NLGN1: variants seen among roughly 807,000 people sequenced by gnomAD.
NLGN1 encodes the protein neuroligin-1.
NLGN1 carries 12 observed loss-of-function variants against 65.5 expected under a neutral mutation model. That is an observed-to-expected ratio of 0.18 (90% CI 0.12 to 0.30). NLGN1 has a LOEUF of 0.30. Among genes scored for constraint, NLGN1 ranks in the 10% least tolerant of loss-of-function variants. NLGN1 has a pLI of 1.00. For missense variants in NLGN1, 750 were observed against 1,007.1 expected (o/e 0.74, Z 3.46); for synonymous variants, 350 against 359.5 (o/e 0.97, Z 0.30).
intron 4 of NLGN1, among the ~76,000 whole-genome samples, chr3:174,127,678 A>G (rs1454608902): frequency 2.0e-5 from 3 of 152,180 alleles, no homozygotes; most frequent in Non-Finnish European, 2.9e-5. Context: ...TACACGTAGC[A>G]GGTACTTAAT....
downstream of NLGN1, among the ~76,000 whole-genome samples, chr3:174,290,689 A>G (rs919079028): frequency 6.6e-6 from 1 of 150,514 alleles, no homozygotes; most frequent in Non-Finnish European, 1.5e-5. Context: ...ATATGAGTGG[A>G]TAGAAAATTC....
At chr3:173,580,683 C>T (rs572838842) in intron 2 of NLGN1, among the ~76,000 whole-genome samples, 1 of 152,114 alleles carries the variant, frequency 6.6e-6, no homozygotes, top group East Asian at 1.9e-4. Context: ...ATCCCTCCTT[C>T]TCCTTTCACT....
intron 4 of NLGN1, among the ~76,000 whole-genome samples, chr3:173,830,572 T>TTATA (rs1006672092): frequency 2.0e-5 from 3 of 152,184 alleles, no homozygotes; most frequent in African/African-American, 7.2e-5. Context: ...ATATGACACC[T>TTATA]TATAGTCAGG....
At chr3:173,661,450 A>C (rs1343110234) in intron 3 of NLGN1, among the ~76,000 whole-genome samples, 1 of 151,960 alleles carries the variant, frequency 6.6e-6, no homozygotes, top group Non-Finnish European at 1.5e-5. Flanking sequence ...GGTTCTCAGC[A>C]CTGGGTGAAG....
At chr3:173,593,692 G>A (rs1033154515) in intron 2 of NLGN1, among the ~76,000 whole-genome samples, 2 of 152,138 alleles carry the variant, frequency 1.3e-5, no homozygotes, top group Admixed American at 6.5e-5. Flanking sequence ...CCAATTAACT[G>A]AGCGCTGCTT....
At chr3:173,848,751 A>AT (rs1443763899) in intron 4 of NLGN1, among the ~76,000 whole-genome samples, 1 of 152,124 alleles carries the variant, frequency 6.6e-6, no homozygotes, top group African/African-American at 2.4e-5. Flanking sequence ...TTTTTCTTCT[A>AT]TTTTTGATGA....
chr3:173,666,407 A>G (rs938479184), intron 3 of NLGN1, among the ~76,000 whole-genome samples: 1 of 152,178 alleles, frequency 6.6e-6, no homozygotes, highest in African/African-American at 2.4e-5. Flanking sequence ...TATGCAATTT[A>G]TACAGTCAGA....
intron 4 of NLGN1, among the ~76,000 whole-genome samples, chr3:173,858,550 T>A (rs915627207): frequency 2.6e-5 from 4 of 152,110 alleles, no homozygotes; most frequent in Admixed American, 6.5e-5. Flanking sequence ...ATTCTCTTGT[T>A]CCTCACAGTT....
chr3:173,805,713 A>G (rs1716492082), intron 3 of NLGN1, among the ~76,000 whole-genome samples: 1 of 152,212 alleles, frequency 6.6e-6, no homozygotes. Context: ...CAAGCATACA[A>G]TTAGCCGAGT....
At chr3:173,622,468 T>A in intron 3 of NLGN1, among the ~76,000 whole-genome samples, 1 of 151,728 alleles carries the variant, frequency 6.6e-6, no homozygotes, top group East Asian at 1.9e-4. Flanking sequence ...AGTAGAAAAG[T>A]ATCTAAAAGG....
intron 2 of NLGN1, among the ~76,000 whole-genome samples, chr3:173,554,757 G>C (rs937275244): frequency 1.3e-5 from 2 of 152,072 alleles, no homozygotes; most frequent in Non-Finnish European, 2.9e-5. Context: ...AACCATCTAG[G>C]AGTGGAATTT....
chr3:174,222,421 T>G (rs930456749), intron 4 of NLGN1, among the ~76,000 whole-genome samples: 1 of 152,168 alleles, frequency 6.6e-6, no homozygotes, highest in Admixed American at 6.5e-5. Flanking sequence ...GTTAGAAAAG[T>G]TAGAAACTAA....
intron 4 of NLGN1, among the ~76,000 whole-genome samples, chr3:173,909,977 C>A (rs1273369080): frequency 6.6e-6 from 1 of 152,200 alleles, no homozygotes; most frequent in Non-Finnish European, 1.5e-5. Context: ...CACACCCAGC[C>A]TCCACAACAT....
chr3:173,458,208 A>G (rs1352531791), intron 2 of NLGN1, among the ~76,000 whole-genome samples: 1 of 151,950 alleles, frequency 6.6e-6, no homozygotes, highest in Non-Finnish European at 1.5e-5. Flanking sequence ...AGAGGAGGGA[A>G]ATCACTGCTG....
chr3:174,278,755 G>A (rs1041471414), intron 5 of NLGN1, 106 bp from the exon 6 acceptor site: 3 of 864,938 alleles, frequency 3.5e-6, no homozygotes, highest in Non-Finnish European at 4.9e-6. Flanking sequence ...CCTGTTTCTT[G>A]AGCTGTATCT....
At chr3:173,772,599 C>CA (rs1356457845) in intron 3 of NLGN1, among the ~76,000 whole-genome samples, 13 of 152,168 alleles carry the variant, frequency 8.5e-5, no homozygotes, top group African/African-American at 2.9e-4. Context: ...GCCTGGGCAA[C>CA]AGGAGTGAGA....
At chr3:173,402,263 A>G (rs182828754) in intron 1 of NLGN1, among the ~76,000 whole-genome samples, 5 of 152,300 alleles carry the variant, frequency 3.3e-5, no homozygotes, top group East Asian at 1.9e-4. Context: ...CTTGGATTCT[A>G]TCATAGGAAA....
At chr3:174,011,626 TTCTC>T (rs900111384) in intron 4 of NLGN1, among the ~76,000 whole-genome samples, 2 of 150,844 alleles carry the variant, frequency 1.3e-5, no homozygotes, top group Non-Finnish European at 3.0e-5. Context: ...TAAACTCTGC[TTCTC>T]TCTCTCTCTC....
intron 3 of NLGN1, among the ~76,000 whole-genome samples, chr3:173,755,256 A>T (rs1439327193): frequency 6.6e-6 from 1 of 152,072 alleles, no homozygotes; most frequent in Non-Finnish European, 1.5e-5. Flanking sequence ...ATATTGGTAT[A>T]ATATTGATGT....
Sources: allele counts gnomAD v4.1 joint callset (sites outside exome capture counted in the v4.1 genomes callset), GRCh38; gene constraint gnomAD v4.1.1; transcripts MANE v1.5; gene names NCBI Gene and HGNC (gene_info 2026-07-23, HGNC 2026-07-21).